Variants in RALGPS1 observed in about 807,000 individuals in gnomAD.
RALGPS1 encodes Ral GEF with PH domain and SH3 binding motif 1.
A neutral mutation model predicts 78.8 loss-of-function variants in RALGPS1; 19 were observed. The observed-to-expected ratio is 0.24, with a 90% CI of 0.17 to 0.35. The LOEUF (loss-of-function observed/expected upper bound fraction) is 0.35. RALGPS1 is among the 10% of genes least tolerant of loss of function. RALGPS1 has a pLI of 1.00. For synonymous variants in RALGPS1, 228 were observed against 256.3 expected (o/e 0.89, Z 1.06); for missense variants, 454 against 688.3 (o/e 0.66, Z 3.81).
At chr9:127,049,995 A>G in intron 5 of RALGPS1, 48 bp from the exon 6 acceptor site, 2 of 1,419,052 alleles carry the variant, frequency 1.4e-6, no homozygotes, top group Non-Finnish European at 2.0e-6. Context: ...AGCAATTAAC[A>G]ACTTTTCTGG....
chr9:127,012,599 G>A (rs1345136052), intron 4 of RALGPS1, among the ~76,000 whole-genome samples: 1 of 152,198 alleles, frequency 6.6e-6, no homozygotes, highest in Non-Finnish European at 1.5e-5. Context: ...TAGTCAGGAC[G>A]GGCTGAGCTG....
intron 1 of RALGPS1, among the ~76,000 whole-genome samples, chr9:126,954,021 C>G (rs1239470132): frequency 6.6e-6 from 1 of 152,170 alleles, no homozygotes; most frequent in Non-Finnish European, 1.5e-5. Context: ...GCCCAGCGCC[C>G]TCCACACACT....
chr9:126,963,775 A>G (rs1278904093), intron 2 of RALGPS1, among the ~76,000 whole-genome samples: 1 of 152,202 alleles, frequency 6.6e-6, no homozygotes, highest in Non-Finnish European at 1.5e-5. Context: ...TGGGGATTCA[A>G]AGCCAGGCCT....
chr9:127,179,841 C>G (rs2060108690), intron 11 of RALGPS1, among the ~76,000 whole-genome samples: 1 of 152,342 alleles, frequency 6.6e-6, no homozygotes, highest in South Asian at 2.1e-4. Context: ...TACCTGCCCT[C>G]ACATTGACAG....
At chr9:127,149,261 T>A (rs2138995475) in intron 8 of RALGPS1, among the ~76,000 whole-genome samples, 1 of 152,368 alleles carries the variant, frequency 6.6e-6, no homozygotes, top group East Asian at 1.9e-4. Flanking sequence ...TGAGTCTAGT[T>A]CATCCACTGG....
At chr9:127,108,519 G>T in intron 8 of RALGPS1, 1 of 1,613,052 alleles carries the variant, frequency 6.2e-7, no homozygotes, top group Non-Finnish European at 8.5e-7. Context: ...CCTTGGAGTT[G>T]ACGCAGATGG....
intron 7 of RALGPS1, among the ~76,000 whole-genome samples, chr9:127,067,850 C>T (rs188526317): frequency 1.4e-4 from 22 of 152,382 alleles, no homozygotes; most frequent in Non-Finnish European, 2.9e-5. Flanking sequence ...CCTCCCCGAA[C>T]TCCTCCTTTT....
chr9:127,118,982 G>A (rs2055753619), intron 8 of RALGPS1, among the ~76,000 whole-genome samples: 1 of 152,198 alleles, frequency 6.6e-6, no homozygotes, highest in Admixed American at 6.5e-5. Context: ...TCCTAAAGGA[G>A]CCTCCAAGTA....
rs945455116 is a variant in RALGPS1, at chr9:127,212,519, G to T, written c.1354-108G>T. ...GGGGGTGGTGGAGGGCCAGGGAAGA[G>T]ATGGGGCCTGCACTGGCATTGATGG... On this transcript the variant is annotated intron_variant, in intron 15 of 18. Coordinates refer to ENST00000259351, the MANE Select transcript of RALGPS1 (RefSeq NM_014636.3). The surrounding 1 kb of genome is among the most constrained non-coding windows in gnomAD (Gnocchi z 6.0). 6.3e-6 allele frequency: 5 copies of T among 788,020 alleles called. No individual in the cohort carries two copies. The highest frequency in any genetic ancestry group is 1.0e-5 in the Non-Finnish European group (5 of 499,296). 48.8% of individuals were successfully genotyped at this position (788,020 alleles called of 1,614,324 possible).
chr9:127,062,443 A>G (rs1463679166), intron 7 of RALGPS1, among the ~76,000 whole-genome samples: 2 of 152,342 alleles, frequency 1.3e-5, no homozygotes, highest in East Asian at 3.9e-4. Flanking sequence ...ATACAAATAT[A>G]AGATGAATAC....
Position 127,205,762 on chromosome 9 carries a change from G to A in RALGPS1, c.1248-6369G>A. ...TGGATGATGCCTCATGGCAACTTGG[G>A]ATGCCTCCCAGGTTTACATGTGATA... On this transcript the variant is annotated intron_variant, in intron 14 of 18. Transcript: ENST00000259351. This position sits in a 1 kb window ranked among gnomAD's most constrained non-coding sequence, Gnocchi z 4.0. Among the ~76,000 whole-genome samples the A allele has an allele frequency of 6.6e-6, 1 of 152,228 alleles. No homozygotes were observed. Among genetic ancestry groups the A allele is most frequent in the East Asian group, 1.9e-4 (1 of 5,196 alleles).
At chr9:127,209,745 C>T (rs908621028) in intron 14 of RALGPS1, among the ~76,000 whole-genome samples, 1 of 152,204 alleles carries the variant, frequency 6.6e-6, no homozygotes, top group South Asian at 2.1e-4. Context: ...AGGACAAAGG[C>T]CCCTGGGCAG....
chr9:127,088,726 G>A lies in RALGPS1; in HGVS notation c.610+19370G>A, dbSNP rs182024510. On this transcript the variant is annotated intron_variant, in intron 8 of 18. Coordinates refer to ENST00000259351, the MANE Select transcript of RALGPS1 (RefSeq NM_014636.3). ...CCTGTCCTGTCCTGGAGACATGAGG[G>A]GCTGTCTGGTGTGAAGGAAAGTAGG... is the stretch of plus-strand genomic sequence containing the variant. 1.5e-3 allele frequency: 883 copies of A among 603,320 alleles called. 1 individual carries two copies. Among genetic ancestry groups the A allele is most frequent in the Non-Finnish European group, 2.2e-3 (759 of 339,402 alleles). 37.4% of individuals were successfully genotyped at this position (603,320 alleles called of 1,614,324 possible). A position where few individuals can be genotyped will look rare whatever the true frequency, so the allele number is the denominator to read the frequency against.
At chr9:126,968,276 A>C (rs2132343603) in intron 3 of RALGPS1, among the ~76,000 whole-genome samples, 2 of 152,256 alleles carry the variant, frequency 1.3e-5, no homozygotes, top group South Asian at 4.1e-4. Context: ...GCTGGTTGGG[A>C]TTACAGGCAT....
rs1262412730 is a variant in RALGPS1, at chr9:127,205,165, C to T, written c.1247+6099C>T. On this transcript the variant is annotated intron_variant, in intron 14 of 18. Transcript: ENST00000259351. This position sits in a 1 kb window ranked among gnomAD's most constrained non-coding sequence, Gnocchi z 4.0. ...TGGCTTCAGTGCTCTGGACAGTTGG[C>T]CTATCTCTCCTGCATGAGACTCAGA... 3.9e-5 allele frequency among the ~76,000 whole-genome samples: 6 copies of T among 152,214 alleles called. No individual in the cohort carries two copies. The highest frequency in any genetic ancestry group is 1.4e-4 in the African/African-American group (6 of 41,458).
intron 5 of RALGPS1, among the ~76,000 whole-genome samples, chr9:127,040,173 G>A (rs2047170387): frequency 6.6e-6 from 1 of 152,212 alleles, no homozygotes; most frequent in African/African-American, 2.4e-5. Flanking sequence ...GGCCAAGGCA[G>A]GTGGATCATC....
At chr9:127,160,636 A>G (rs1473326414) in intron 8 of RALGPS1, among the ~76,000 whole-genome samples, 1 of 152,172 alleles carries the variant, frequency 6.6e-6, no homozygotes, top group African/African-American at 2.4e-5. Flanking sequence ...GGGGGAAGAC[A>G]GGCCACAGCA....
intron 8 of RALGPS1, chr9:127,092,025 T>C: frequency 6.6e-7 from 1 of 1,520,516 alleles, no homozygotes; most frequent in African/African-American, 1.4e-5. Flanking sequence ...CAGCCCTGGA[T>C]AGAGGGGCCT....
At chr9:127,156,420 T>C (rs2058712196) in intron 8 of RALGPS1, among the ~76,000 whole-genome samples, 1 of 152,204 alleles carries the variant, frequency 6.6e-6, no homozygotes, top group African/African-American at 2.4e-5. Context: ...GTGTGACTTT[T>C]TCCACACGCT....
Sources: allele counts gnomAD v4.1 joint callset (sites outside exome capture counted in the v4.1 genomes callset), GRCh38; gene constraint gnomAD v4.1.1; non-coding constraint Gnocchi (gnomAD v3.1); transcripts MANE v1.5; gene names NCBI Gene and HGNC (gene_info 2026-07-23, HGNC 2026-07-21).